The following ITGAD variants were observed in gnomAD, a reference collection of about 807,000 sequenced individuals.
The protein encoded by ITGAD is integrin subunit alpha D, also known as integrin alpha-D.
ITGAD carries 105 observed loss-of-function variants against 139.0 expected under a neutral mutation model. That is an observed-to-expected ratio of 0.76 (90% confidence interval 0.65 to 0.89). The LOEUF is 0.89. Among genes scored for constraint, ITGAD ranks in the 40% least tolerant of loss-of-function variants. The pLI, the probability that ITGAD is intolerant of heterozygous loss-of-function variation, is 0.00. For synonymous variants in ITGAD, 569 were observed against 598.3 expected, an observed-to-expected ratio of 0.95 and a Z score of 0.71; for missense variants, 1,384 against 1,487.3, an observed-to-expected ratio of 0.93 and a Z score of 1.14.
intron 7 of ITGAD, among the ~76,000 whole-genome samples, chr16:31,406,764 C>T (rs1052321843): frequency 1.2e-4 from 19 of 152,144 alleles, no homozygotes; most frequent in Admixed American, 7.2e-4. Context: ...TTCCACCGCA[C>T]GTTACTGATG....
rs767023963 is a variant in ITGAD at position 31,397,346 on chromosome 16, G to A, written c.138-13G>A. On this transcript the variant is annotated splice_polypyrimidine_tract_variant and intron_variant, in intron 2 of 29. Transcript: ENST00000389202. ...CTGTGGCTGCAGTGACATGGCCATG[G>A]TTGTGTCTCCAGACTCGTGGTGGGA... 28 of 1,570,194 alleles carry A rather than the reference G, an allele frequency of 1.8e-5. No individual in the cohort carries two copies. The South Asian group carries it at 2.1e-4, about 12-fold the overall frequency.
At position 31,411,136 on chromosome 16, in the gene ITGAD, G is replaced by A. The variant is rs753320103; in HGVS notation, c.1417G>A (p.Asp473Asn). Reference sequence around the variant, plus strand: ...GGATGTGGACAGCGATGGCAGCACCGACCTGATCCTCATTGGGGCCCCCCA... The same window carrying A: ...GGATGTGGACAGCGATGGCAGCACCAACCTGATCCTCATTGGGGCCCCCCA... ...SVDVDSDGST[D>N]LILIGAPHYY... is the part of the protein sequence containing the mutation. The change falls in exon 13 of 30, where the codon GAC (aspartate) becomes AAC (asparagine). Residue 473 changes from aspartate (D) to asparagine (N), a missense_variant. By Grantham distance (23) the Asp-to-Asn change is conservative. Transcript: ENST00000389202. The A allele has an allele frequency of 1.1e-4, 182 of 1,613,574 alleles. 2 individuals carry two copies. The Middle Eastern group carries it at 4.1e-3, about 36-fold the overall frequency.
chr16:31,400,263 T>A (rs1272005015), intron 5 of ITGAD, among the ~76,000 whole-genome samples: 1 of 152,186 alleles, frequency 6.6e-6, no homozygotes, highest in Non-Finnish European at 1.5e-5. Flanking sequence ...GAAGTGACCT[T>A]CTGTTTCTCC....
chr16:31,415,234 C>T (rs919318602), intron 18 of ITGAD, among the ~76,000 whole-genome samples: 2 of 152,144 alleles, frequency 1.3e-5, no homozygotes, highest in Non-Finnish European at 2.9e-5. Context: ...CTCCCACCTA[C>T]ACCAGAGTTG....
rs761780183 is a variant in ITGAD at position 31,394,304 on chromosome 16, G to A, written c.100G>A (p.Gly34Ser). The change falls in exon 2 of 30, where the codon GGC becomes AGC. Residue 34 changes from glycine to serine, a missense_variant. Coordinates refer to ENST00000389202, the MANE Select transcript of ITGAD (RefSeq NM_005353.3). ...EPTIFQEDAG[G>S]FGQSVVQFGG... ...TACGATCTTCCAGGAGGATGCAGGC[G>A]GCTTTGGGCAGAGCGTGGTGCAGTT... 1.4e-5 allele frequency: 23 copies of A among 1,613,636 alleles called. No individual in the cohort carries two copies. Among genetic ancestry groups the A allele is most frequent in the South Asian group, 5.5e-5 (5 of 91,050 alleles).
At chr16:31,419,812 C>CAAAAAA (rs1202333629) in intron 23 of ITGAD, among the ~76,000 whole-genome samples, 11 of 58,244 alleles carry the variant, frequency 1.9e-4, no homozygotes, top group African/African-American at 5.8e-4. Context: ...GGCTCTGTCT[C>CAAAAAA]AAAAAAAAAA....
chr16:31,398,743 C>G (rs2081334973), intron 5 of ITGAD, among the ~76,000 whole-genome samples: 1 of 152,166 alleles, frequency 6.6e-6, no homozygotes, highest in Non-Finnish European at 1.5e-5. Flanking sequence ...CACAGCCTCT[C>G]AAAGTGTTGG....
rs770892016 is a variant in ITGAD, at chr16:31,407,506, C to G, written c.705-9C>G. On this transcript the variant is annotated splice_polypyrimidine_tract_variant and intron_variant, in intron 7 of 29. Transcript: ENST00000389202. Reference sequence around the variant, plus strand: ...CTCAGTAGAGTCATCTTCCTTTCCTCCCCGACAGGACACAGCTATTTCATC... The same window carrying G: ...CTCAGTAGAGTCATCTTCCTTTCCTGCCCGACAGGACACAGCTATTTCATC... 3.8e-6 allele frequency: 6 copies of G among 1,562,428 alleles called. No homozygotes were observed. The highest frequency in any genetic ancestry group is 5.2e-6 in the Non-Finnish European group (6 of 1,152,950).
chr16:31,416,106 T>TG lies in ITGAD; in HGVS notation c.2284-102dup, dbSNP rs2081879218. On this transcript the variant is annotated intron_variant, in intron 18 of 29. Transcript: ENST00000389202. ...CCCTTGTTGGTGTCCAGCAAAGTGC[T>TG]GGGGGCAGTGGCTTAGTAATGCTCA... 19 of 856,422 alleles carry TG rather than the reference T, an allele frequency of 2.2e-5. No homozygotes were observed. The South Asian group carries it at 3.3e-4, about 15-fold the overall frequency. 53.1% of individuals were successfully genotyped at this position (856,422 alleles called of 1,614,324 possible).
chr16:31,405,059 C>T (rs1331102015), intron 7 of ITGAD, among the ~76,000 whole-genome samples: 1 of 152,164 alleles, frequency 6.6e-6, no homozygotes, highest in Non-Finnish European at 1.5e-5. Context: ...CACCACCATG[C>T]CCGGCTGATT....
Position 31,407,580 on chromosome 16 carries a change from C to T in ITGAD, c.770C>T (p.Thr257Ile). Reference sequence around the variant, plus strand: ...GCCAAGAAGATCCTCATTGTCATCACAGATGGGCAGAAGTACAAAGACCCC... The same window carrying T: ...GCCAAGAAGATCCTCATTGTCATCATAGATGGGCAGAAGTACAAAGACCCC... ...KSAKKILIVI[T>I]DGQKYKDPLE... The change falls in exon 8 of 30, where the codon ACA (threonine) becomes ATA (isoleucine). Residue 257 changes from threonine to isoleucine, a missense_variant. Transcript: ENST00000389202. The T allele has an allele frequency of 6.2e-7, 1 of 1,613,154 alleles. No individual in the cohort carries two copies. Among genetic ancestry groups the T allele is most frequent in the South Asian group, 1.1e-5 (1 of 90,984 alleles).
At chr16:31,394,168 G>T in intron 1 of ITGAD, 68 bp from the exon 2 acceptor site, 3 of 894,542 alleles carry the variant, frequency 3.4e-6, no homozygotes, top group Non-Finnish European at 5.3e-6. Context: ...AAGAAAAAGA[G>T]GCTGGGAGGT....
At position 31,424,515 on chromosome 16, in the gene ITGAD, A is replaced by T; in HGVS notation, c.3310A>T (p.Ile1104Phe). Residue 1104 changes from isoleucine to phenylalanine, a missense_variant, in exon 29 of 30, where the codon ATC (isoleucine) becomes TTC (phenylalanine). Physicochemically the swap from Ile to Phe is conservative, Grantham distance 21. Coordinates refer to ENST00000389202, the MANE Select transcript of ITGAD (RefSeq NM_005353.3). ...EDEVYNAIPI[I>F]MGSSVGALLL... Reference sequence around the variant, plus strand: ...CGAGGTCTACAATGCCATTCCCATCATCATGGGCAGCTCTGTGGGGGCTCT... The same window carrying T: ...CGAGGTCTACAATGCCATTCCCATCTTCATGGGCAGCTCTGTGGGGGCTCT... 6.2e-7 allele frequency: 1 copy of T among 1,614,096 alleles called. No homozygotes were observed. Among genetic ancestry groups the T allele is most frequent in the East Asian group, 2.2e-5 (1 of 44,870 alleles).
chr16:31,423,748 T>C, intron 26 of ITGAD, 97 bp from the exon 27 acceptor site: 1 of 1,520,982 alleles, frequency 6.6e-7, no homozygotes, highest in Non-Finnish European at 9.1e-7. Context: ...GTCCTGTAAC[T>C]GCTCATCTGT....
chr16:31,403,734 G>C lies in ITGAD; in HGVS notation c.704+89G>C. 3 of 1,521,610 alleles carry C rather than the reference G, an allele frequency of 2.0e-6. No individual in the cohort carries two copies. Among genetic ancestry groups the C allele is most frequent in the Non-Finnish European group, 2.7e-6 (3 of 1,111,072 alleles). The allele number at this position is 1,521,610 out of a possible 1,614,324, so 94.3% of individuals were successfully genotyped here. A position where few individuals can be genotyped will look rare whatever the true frequency, so the allele number is the denominator to read the frequency against. ...GCACAGCTCTTCTCAGAGGCTGAGGGAGGCTCCAGGGAAAGGGGCTACCAA... is the reference window on the plus strand; with the variant it reads ...GCACAGCTCTTCTCAGAGGCTGAGGCAGGCTCCAGGGAAAGGGGCTACCAA... On this transcript the variant is annotated intron_variant, in intron 7 of 29. Coordinates refer to ENST00000389202, the MANE Select transcript of ITGAD (RefSeq NM_005353.3). This position sits in a 1 kb window ranked among gnomAD's most constrained non-coding sequence, Gnocchi z 4.4.
chr16:31,416,294 G>A lies in ITGAD; in HGVS notation c.2357+8G>A, dbSNP rs769501994. ...CACCCTCAGCTTCTCAGGGTGAGCT[G>A]TAACTCCCTTCATATCCAGACACTC... On this transcript the variant is annotated splice_region_variant and intron_variant, in intron 19 of 29. Transcript: ENST00000389202. The A allele has an allele frequency of 1.3e-6, 2 of 1,595,038 alleles. No individual in the cohort carries two copies. Among genetic ancestry groups the A allele is most frequent in the South Asian group, 2.2e-5 (2 of 89,066 alleles).
chr16:31,410,319 G>T lies in ITGAD; in HGVS notation c.1084-76G>T, dbSNP rs895552642. The T allele has an allele frequency of 3.8e-6, 6 of 1,590,104 alleles. No individual in the cohort carries two copies. The African/African-American group carries it at 6.7e-5, about 18-fold the overall frequency. On this transcript the variant is annotated intron_variant, in intron 10 of 29. Coordinates refer to ENST00000389202, the MANE Select transcript of ITGAD (RefSeq NM_005353.3). ...AAAAGCCTGGATGGCGAGTGATGCG[G>T]GTGGCAGGCGTGTCTCTGGGATATG...
intron 2 of ITGAD, among the ~76,000 whole-genome samples, chr16:31,396,469 T>A (rs2081266032): frequency 6.6e-6 from 1 of 152,180 alleles, no homozygotes; most frequent in South Asian, 2.1e-4. Context: ...TGAAACTCTG[T>A]CTCAAAAAAC....
At chr16:31,396,966 G>A (rs978800074) in intron 2 of ITGAD, among the ~76,000 whole-genome samples, 1 of 151,204 alleles carries the variant, frequency 6.6e-6, no homozygotes, top group Admixed American at 6.6e-5. Flanking sequence ...ATTAACTTGA[G>A]ATGATCTTAT....
Sources: gnomAD v4.1 joint callset for allele counts (sites outside exome capture counted in the v4.1 genomes callset) on GRCh38, gnomAD v4.1.1 for gene constraint, Gnocchi (gnomAD v3.1) non-coding constraint, MANE v1.5 for transcripts, NCBI Gene and HGNC (gene_info 2026-07-23, HGNC 2026-07-21) for gene names.